The following AFF2 variants were observed in gnomAD, a reference collection of about 807,000 sequenced individuals.
AFF2 encodes AF4/FMR2 family member 2.
AFF2 carries 14 observed loss-of-function variants against 76.9 expected under a neutral mutation model. That is an observed-to-expected ratio of 0.18 (90% CI 0.12 to 0.28). AFF2 has a LOEUF of 0.28. AFF2 is among the 10% of genes least tolerant of loss of function. The probability of loss-of-function intolerance (pLI) is 1.00; values close to 1 mark genes in which losing one functional copy is unlikely to be tolerated. For synonymous variants in AFF2, 398 were observed against 366.7 expected (o/e 1.09, Z -0.98); for missense variants, 868 against 1,001.1 (o/e 0.87, Z 1.79).
intron 1 of AFF2, among the ~76,000 whole-genome samples, chrX:148,632,378 T>C (rs928194529): frequency 9.0e-6 from 1 of 111,595 alleles, no homozygotes; most frequent in Non-Finnish European, 1.9e-5. Flanking sequence ...TGTGTAGAAT[T>C]CAAAATAGGA....
At chrX:148,957,811 G>A (rs1465765273) in intron 11 of AFF2, among the ~76,000 whole-genome samples, 2 of 112,449 alleles carry the variant, frequency 1.8e-5, no homozygotes, top group African/African-American at 6.5e-5. Flanking sequence ...GATGACAACA[G>A]TACAACCACA....
chrX:148,963,072 C>A, intron 13 of AFF2, 135 bp downstream of exon 13: 1 of 458,806 alleles, frequency 2.2e-6, no homozygotes, highest in Non-Finnish European at 3.8e-6. Context: ...CCTGTGTATA[C>A]AAATACACAA....
At chrX:148,668,564 A>G (rs2054384434) in intron 3 of AFF2, among the ~76,000 whole-genome samples, 1 of 112,354 alleles carries the variant, frequency 8.9e-6, no homozygotes, top group Non-Finnish European at 1.9e-5. Context: ...TCAGTTCTTG[A>G]CTTCTCTGCA....
chrX:148,749,248 G>A (rs1265284991), intron 3 of AFF2, among the ~76,000 whole-genome samples: 2 of 106,566 alleles, frequency 1.9e-5, no homozygotes, highest in African/African-American at 3.6e-5. Flanking sequence ...TGAAATTTAC[G>A]TTGCCTTCCT....
intron 9 of AFF2, among the ~76,000 whole-genome samples, chrX:148,907,863 A>G (rs1218556279): frequency 2.7e-5 from 3 of 110,871 alleles, no homozygotes; most frequent in African/African-American, 9.9e-5. Context: ...TGGGAGCGCT[A>G]TGGGAGACTG....
intron 3 of AFF2, among the ~76,000 whole-genome samples, chrX:148,786,602 T>C (rs893107210): frequency 9.0e-6 from 1 of 110,848 alleles, no homozygotes; most frequent in Non-Finnish European, 1.9e-5. Context: ...TTCTACATTT[T>C]ATAAGGCCAC....
At chrX:148,592,473 C>T (rs1557246786) in intron 1 of AFF2, among the ~76,000 whole-genome samples, 3 of 106,021 alleles carry the variant, frequency 2.8e-5, no homozygotes, top group African/African-American at 1.1e-4. Flanking sequence ...GCTTTTTAAA[C>T]CCAAGGCCTG....
In AFF2 at chrX:148,733,398, G is replaced by GCATT. The variant is rs1176563134; in HGVS notation, c.1041+70646_1041+70649dup. On this transcript the variant is annotated intron_variant, in intron 3 of 20. Coordinates refer to ENST00000370460, the MANE Select transcript of AFF2 (RefSeq NM_002025.4). ...TCTAGTATACTTTTCCTTCTTTTGT[G>GCATT]CATTCATTCATTCATTCATCCTTTC... is the stretch of plus-strand genomic sequence containing the variant. 1.9e-4 allele frequency among the ~76,000 whole-genome samples: 21 copies of GCATT among 109,804 alleles called. No individual in the cohort carries two copies. In the Admixed American group the frequency reaches 2.1e-3, roughly 11 times the overall value.
chrX:148,854,295 C>G (rs2070763627), intron 7 of AFF2, among the ~76,000 whole-genome samples: 1 of 111,433 alleles, frequency 9.0e-6, no homozygotes, highest in South Asian at 3.8e-4. Flanking sequence ...GGAGGAGGGA[C>G]AAAAAGATTA....
chrX:148,942,293 A>G (rs930863275), intron 9 of AFF2, among the ~76,000 whole-genome samples: 1 of 109,800 alleles, frequency 9.1e-6, no homozygotes, highest in Non-Finnish European at 1.9e-5. Flanking sequence ...CAAAAGTCGC[A>G]TTTCTGTTGG....
In AFF2 at chrX:148,999,301, G is replaced by C. The variant is rs1186007706; in HGVS notation, c.*7969G>C. The C allele has an allele frequency of 1.8e-5, 2 of 111,492 alleles. No homozygotes were observed. Among genetic ancestry groups the C allele is most frequent in the Admixed American group, 1.9e-4 (2 of 10,494 alleles). The allele number at this position is 111,492 out of a possible 1,213,427, so 9.2% of individuals were successfully genotyped here. On this transcript the variant is annotated 3_prime_UTR_variant, in exon 21 of 21. Transcript: ENST00000370460. ...GAAGTATTTCCTAACATTCCCATTA[G>C]CCTGTATATAAGAATCAGAAAGATA...
intron 1 of AFF2, among the ~76,000 whole-genome samples, chrX:148,612,790 CT>C (rs1232049810): frequency 4.5e-5 from 5 of 111,997 alleles, no homozygotes; most frequent in Non-Finnish European, 7.5e-5. Context: ...TTCCCAAGTG[CT>C]TTTGAGACCT....
chrX:148,698,975 C>A (rs1307114696), intron 3 of AFF2, among the ~76,000 whole-genome samples: 2 of 111,272 alleles, frequency 1.8e-5, no homozygotes, highest in Non-Finnish European at 1.9e-5. Flanking sequence ...ATTCTAATAA[C>A]CCAGGTTACT....
chrX:148,692,031 G>A (rs1426115666), intron 3 of AFF2, among the ~76,000 whole-genome samples: 1 of 76,900 alleles, frequency 1.3e-5, no homozygotes, highest in Non-Finnish European at 2.4e-5. Context: ...TAGTTCCTTA[G>A]GTTGCAAAAA....
rs1411562161 is a variant in AFF2, at chrX:148,997,239, A to G, written c.*5907A>G. On this transcript the variant is annotated 3_prime_UTR_variant, in exon 21 of 21. Coordinates refer to ENST00000370460, the MANE Select transcript of AFF2 (RefSeq NM_002025.4). ...CAGTACGAAGAAAACTAAGCTCAGTAACAAGAAGGCATAAACTAAAGTATA... is the reference window on the plus strand; with the variant it reads ...CAGTACGAAGAAAACTAAGCTCAGTGACAAGAAGGCATAAACTAAAGTATA... 3.6e-5 allele frequency: 4 copies of G among 111,845 alleles called. No individual in the cohort carries two copies. Among genetic ancestry groups the G allele is most frequent in the African/African-American group, 1.3e-4 (4 of 30,661 alleles). 9.2% of individuals were successfully genotyped at this position (111,845 alleles called of 1,213,427 possible).
At chrX:148,816,355 A>G (rs1274909427) in intron 4 of AFF2, among the ~76,000 whole-genome samples, 1 of 111,756 alleles carries the variant, frequency 8.9e-6, no homozygotes, top group East Asian at 2.8e-4. Flanking sequence ...TTGTCATTAG[A>G]AGCATTCAGG....
intron 7 of AFF2, among the ~76,000 whole-genome samples, chrX:148,868,141 ATCCCT>A (rs2070930238): frequency 9.0e-6 from 1 of 111,583 alleles, no homozygotes; most frequent in Non-Finnish European, 1.9e-5. Flanking sequence ...GATGCCTGGT[ATCCCT>A]TCCTCATCAG....
intron 1 of AFF2, among the ~76,000 whole-genome samples, chrX:148,510,536 A>G (rs1327020742): frequency 1.8e-5 from 2 of 111,772 alleles, no homozygotes; most frequent in Non-Finnish European, 3.8e-5. Flanking sequence ...TGGGCTAATG[A>G]GGACTTTACC....
chrX:148,829,151 T>C (rs782571427), intron 4 of AFF2, among the ~76,000 whole-genome samples: 108 of 112,637 alleles, frequency 9.6e-4, no homozygotes, highest in African/African-American at 3.4e-3. Flanking sequence ...TACCATGCCA[T>C]TTAAATCATA....
Sources: allele counts gnomAD v4.1 joint callset (sites outside exome capture counted in the v4.1 genomes callset), GRCh38; gene constraint gnomAD v4.1.1; transcripts MANE v1.5; gene names NCBI Gene and HGNC (gene_info 2026-07-23, HGNC 2026-07-21).